ADGRG4: variants seen among roughly 807,000 people sequenced by gnomAD.
ADGRG4 encodes the protein G protein-coupled receptor 112.
ADGRG4 carries 122 observed loss-of-function variants against 126.2 expected under a neutral mutation model. The ratio of observed to expected loss-of-function variants is 0.97; its 90% confidence interval spans 0.83 to 1.12. The LOEUF (loss-of-function observed/expected upper bound fraction) is 1.12, where lower values mean the gene tolerates loss of function less well. ADGRG4 is among the 50% of genes most tolerant of loss of function. ADGRG4 has a pLI of 0.00. For missense variants in ADGRG4, 2,481 were observed against 2,251.8 expected, an observed-to-expected ratio of 1.10 and a Z score of -2.06; for synonymous variants, 943 against 838.7, an observed-to-expected ratio of 1.12 and a Z score of -2.15.
At chrX:136,380,023 T>G (rs1216014049) in intron 15 of ADGRG4, among the ~76,000 whole-genome samples, 1 of 111,754 alleles carries the variant, frequency 8.9e-6, no homozygotes, top group Non-Finnish European at 1.9e-5. Context: ...CATACAGGGG[T>G]TCTTTTTGAA....
At position 136,389,801 on chromosome X, in the gene ADGRG4, C is replaced by T. The variant is rs180718477; in HGVS notation, c.7911+1927C>T. ...TGCTGAGCAAGATACATAGTGCCTGCTCTCATGGAACTTCCAGTCTGCTGG... is the reference window on the plus strand; with the variant it reads ...TGCTGAGCAAGATACATAGTGCCTGTTCTCATGGAACTTCCAGTCTGCTGG... On this transcript the variant is annotated intron_variant, in intron 16 of 25. Transcript: ENST00000394143. 7.5e-4 allele frequency among the ~76,000 whole-genome samples: 84 copies of T among 111,861 alleles called. 1 individual carries two copies. Among genetic ancestry groups the T allele is most frequent in the Non-Finnish European group, 4.3e-4 (23 of 53,129 alleles).
intron 13 of ADGRG4, among the ~76,000 whole-genome samples, chrX:136,367,784 C>G (rs1026013169): frequency 8.9e-5 from 10 of 112,357 alleles, no homozygotes; most frequent in Non-Finnish European, 1.9e-4. Context: ...ATCTTGCTGA[C>G]AAGCATTAGA....
chrX:136,362,578 C>T (rs2075135023), intron 12 of ADGRG4, among the ~76,000 whole-genome samples: 1 of 111,570 alleles, frequency 9.0e-6, no homozygotes, highest in South Asian at 3.8e-4. Context: ...TAGGCTTCCT[C>T]TCCTGCTGTC....
intron 15 of ADGRG4, among the ~76,000 whole-genome samples, chrX:136,379,284 AT>A (rs892283538): frequency 8.1e-5 from 9 of 111,302 alleles, no homozygotes; most frequent in African/African-American, 2.6e-4. Context: ...ATATTTTCCT[AT>A]TTTTTTAACA....
In ADGRG4 at chrX:136,347,316, A is replaced by T. The variant is rs143441217; in HGVS notation, c.3610A>T (p.Thr1204Ser). Residue 1204 changes from threonine to serine, a missense_variant, in exon 6 of 26, where the codon ACC becomes TCC. Physicochemically the swap from Thr to Ser is moderately conservative, Grantham distance 58. Transcript: ENST00000394143. ...AGTTGTTGCCAGCTTGGCTACTGGC[A>T]CCACAGAGACCTCTGTTGTTGATGA... ...GGVVASLATGTTETSVVDETT... is the reference protein window; with the variant it reads ...GGVVASLATGSTETSVVDETT... 5,607 of 1,208,747 alleles carry T rather than the reference A, an allele frequency of 4.6e-3. 18 individuals are homozygous for T. Among genetic ancestry groups the T allele is most frequent in the Non-Finnish European group, 5.6e-3 (4,985 of 894,285 alleles).
rs768398877 is a variant in ADGRG4 at position 136,323,386 on chromosome X, C to A, written c.679C>A (p.Arg227Ser). 45 of 1,197,074 alleles carry A rather than the reference C, an allele frequency of 3.8e-5. No individual in the cohort carries two copies. The Admixed American group carries it at 9.9e-4, about 26-fold the overall frequency. ...CATCCCAACTGTTGACAGGACACTG[C>A]GCTGCTGTGAGTAACTTAACAACTT... ...KIIPTVDRTL[R>S]CFVPENMTIQ... The change falls in exon 5 of 26, where the codon CGC (arginine) becomes AGC (serine). Residue 227 changes from arginine (R) to serine (S), a missense_variant. Arg to Ser is a moderately radical substitution (Grantham distance 110). Transcript: ENST00000394143.
intron 4 of ADGRG4, among the ~76,000 whole-genome samples, chrX:136,319,944 C>T (rs2074830255): frequency 9.0e-6 from 1 of 111,592 alleles, no homozygotes; most frequent in Non-Finnish European, 1.9e-5. Flanking sequence ...TAATCTCACA[C>T]CTAAAGATAA....
rs748146182 is a variant in ADGRG4, at chrX:136,345,797, C to T, written c.2091C>T (p.Ser697=). ...ATACTACTTATACAGAATATTTATC[C>T]GCAACTACCAATATCACCCCACTGA... is the stretch of plus-strand genomic sequence containing the variant. The part of the protein sequence containing the change: ...HENTTYTEYL[S]ATTNITPLKA... The change falls in exon 6 of 26, where the codon TCC becomes TCT. Residue 697 remains serine (S), a synonymous_variant. Coordinates refer to ENST00000394143, the MANE Select transcript of ADGRG4 (RefSeq NM_153834.4). 110 of 1,207,967 alleles carry T rather than the reference C, an allele frequency of 9.1e-5. No individual in the cohort carries two copies. Among genetic ancestry groups the T allele is most frequent in the East Asian group, 7.7e-4 (26 of 33,727 alleles).
intron 14 of ADGRG4, among the ~76,000 whole-genome samples, chrX:136,372,062 T>A (rs1040178124): frequency 1.8e-5 from 2 of 111,604 alleles, no homozygotes; most frequent in African/African-American, 6.5e-5. Flanking sequence ...GTATTCAAAT[T>A]CGAATTGAAT....
At position 136,344,974 on chromosome X, in the gene ADGRG4, C is replaced by G; in HGVS notation, c.1268C>G (p.Thr423Arg). 1 of 1,210,983 alleles carries G rather than the reference C, an allele frequency of 8.3e-7. No individual in the cohort carries two copies. The change falls in exon 6 of 26, where the codon ACA (threonine) becomes AGA (arginine). Residue 423 changes from threonine (T) to arginine (R), a missense_variant. Physicochemically the swap from Thr to Arg is moderately conservative, Grantham distance 71. Coordinates refer to ENST00000394143, the MANE Select transcript of ADGRG4 (RefSeq NM_153834.4). ...ACACCTTGTCTCAAACAAAAATCCA[C>G]AAATACTGGGGCACTCCCTATCTCC... Reference protein sequence around the residue: ...STTPCLKQKSTNTGALPISTA... With the variant: ...STTPCLKQKSRNTGALPISTA...
chrX:136,313,274 A>G (rs1276198660), intron 4 of ADGRG4, among the ~76,000 whole-genome samples: 2 of 112,070 alleles, frequency 1.8e-5, no homozygotes, highest in African/African-American at 6.5e-5. Flanking sequence ...CCCCACTAGC[A>G]GTGTATGAAG....
chrX:136,396,854 T>A lies in ADGRG4; in HGVS notation c.8185-1027T>A, dbSNP rs1046483722. 5.6e-5 allele frequency among the ~76,000 whole-genome samples: 6 copies of A among 106,792 alleles called. No individual in the cohort carries two copies. In the East Asian group the frequency reaches 1.8e-3, roughly 32 times the overall value. 92.7% of individuals were successfully genotyped at this position (106,792 alleles called of 115,157 possible). A position where few individuals can be genotyped will look rare whatever the true frequency, so the allele number is the denominator to read the frequency against. ...ACCAGGCTGGAGTGCAGTGGTGCAA[T>A]CTCGGGTCACTGCAACTTCTACCTC... On this transcript the variant is annotated intron_variant, in intron 19 of 25. Transcript: ENST00000394143.
Position 136,416,535 on chromosome X carries a change from G to A in ADGRG4, c.*44G>A. 1 of 1,045,827 alleles carries A rather than the reference G, an allele frequency of 9.6e-7. No homozygotes were observed. Among genetic ancestry groups the A allele is most frequent in the Non-Finnish European group, 1.3e-6 (1 of 753,634 alleles). The allele number at this position is 1,045,827 out of a possible 1,213,427, so 86.2% of individuals were successfully genotyped here. ...ATTATGTAAAAAGAATATAATACCTGTGGAAATAAAAATGAATTCCAAGTG... is the reference window on the plus strand; with the variant it reads ...ATTATGTAAAAAGAATATAATACCTATGGAAATAAAAATGAATTCCAAGTG... On this transcript the variant is annotated 3_prime_UTR_variant, in exon 26 of 26. Transcript: ENST00000394143.
intron 5 of ADGRG4, among the ~76,000 whole-genome samples, chrX:136,335,921 G>GT (rs991429209): frequency 9.2e-5 from 10 of 108,119 alleles, no homozygotes; most frequent in South Asian, 4.0e-4. Context: ...TTATCTTGGG[G>GT]TTTTTTTTAG....
At chrX:136,343,271 A>G (rs2074990977) in intron 5 of ADGRG4, among the ~76,000 whole-genome samples, 1 of 111,084 alleles carries the variant, frequency 9.0e-6, no homozygotes, top group Non-Finnish European at 1.9e-5. Context: ...AAGGAATACC[A>G]GAAGAGGACC....
chrX:136,387,835 G>T lies in ADGRG4; in HGVS notation c.7872G>T (p.Thr2624=), dbSNP rs370327179. ...TERIPLSNLQ[T]ILFNFFGQTS... is the part of the protein sequence containing the mutation. ...GAATTCCTCTTAGCAACTTACAAACGATCTTGTTTAATTTCTTTGGCCAAA... is the reference window on the plus strand; with the variant it reads ...GAATTCCTCTTAGCAACTTACAAACTATCTTGTTTAATTTCTTTGGCCAAA... The change falls in exon 16 of 26, where the codon ACG becomes ACT. Residue 2624 remains threonine (T), a synonymous_variant. Transcript: ENST00000394143. 8.3e-7 allele frequency: 1 copy of T among 1,208,432 alleles called. No individual in the cohort carries two copies.
intron 22 of ADGRG4, among the ~76,000 whole-genome samples, chrX:136,404,394 C>T (rs1466222673): frequency 9.0e-6 from 1 of 111,572 alleles, no homozygotes; most frequent in East Asian, 2.8e-4. Flanking sequence ...AGAGATTTTT[C>T]AGATGTGACT....
chrX:136,337,833 TTG>T (rs760332004), intron 5 of ADGRG4, among the ~76,000 whole-genome samples: 1 of 112,347 alleles, frequency 8.9e-6, no homozygotes, highest in South Asian at 3.6e-4. Flanking sequence ...ATCTCTAGGT[TTG>T]TGTCTTTTGT....
At chrX:136,405,584 G>A in intron 22 of ADGRG4, 108 bp from the exon 23 acceptor site, 1 of 592,076 alleles carries the variant, frequency 1.7e-6, no homozygotes, top group Non-Finnish European at 2.5e-6. Context: ...CATTTCTCTA[G>A]GGCAGATGCC....
Sources: gnomAD v4.1 joint callset for allele counts (sites outside exome capture counted in the v4.1 genomes callset) on GRCh38, gnomAD v4.1.1 for gene constraint, MANE v1.5 for transcripts, NCBI Gene and HGNC (gene_info 2026-07-23, HGNC 2026-07-21) for gene names.